The following DENND1A variants were observed in gnomAD, a reference collection of about 807,000 sequenced individuals.
DENND1A encodes the protein DENN domain-containing protein 1A.
Under a neutral mutation model 113.7 loss-of-function variants are expected in DENND1A, and 51 were observed. That is an observed-to-expected ratio of 0.45 (90% CI 0.36 to 0.57). The LOEUF (loss-of-function observed/expected upper bound fraction) is 0.57, where lower values mean the gene tolerates loss of function less well. DENND1A is among the 20% of genes least tolerant of loss of function. The pLI, the probability that DENND1A is intolerant of heterozygous loss-of-function variation, is 0.00. For missense variants in DENND1A, 1,258 were observed against 1,395.9 expected (o/e 0.90, Z 1.57); for synonymous variants, 565 against 570.8 (o/e 0.99, Z 0.14).
chr9:123,658,304 A>T (rs2063066390), intron 8 of DENND1A, among the ~76,000 whole-genome samples: 1 of 152,220 alleles, frequency 6.6e-6, no homozygotes, highest in East Asian at 1.9e-4. Context: ...ACACTAAAAA[A>T]AAATCCTTTA....
At position 123,764,110 on chromosome 9, in the gene DENND1A, C is replaced by T. The variant is rs2071268140; in HGVS notation, c.182+5404G>A. On this transcript the variant is annotated intron_variant, in intron 4 of 23. Coordinates refer to ENST00000394215, the MANE Select transcript of DENND1A (RefSeq NM_001352964.2). This position sits in a 1 kb window ranked among gnomAD's most constrained non-coding sequence, Gnocchi z 4.1. ...ACATGTTACTCAGCAGTTATGTGGG[C>T]ATAGACAAGTTATTATACTTCTCTG... Among the ~76,000 whole-genome samples the T allele has an allele frequency of 6.6e-6, 1 of 152,140 alleles. No individual in the cohort carries two copies. The highest frequency in any genetic ancestry group is 1.5e-5 in the Non-Finnish European group (1 of 68,026).
intron 8 of DENND1A, among the ~76,000 whole-genome samples, chr9:123,661,446 T>C (rs1461777610): frequency 6.6e-6 from 1 of 152,222 alleles, no homozygotes; most frequent in Non-Finnish European, 1.5e-5. Flanking sequence ...CTACCATTCC[T>C]ACTCAGCTTC....
At chr9:123,894,359 C>T (rs1850383825) in intron 1 of DENND1A, among the ~76,000 whole-genome samples, 1 of 152,218 alleles carries the variant, frequency 6.6e-6, no homozygotes, top group African/African-American at 2.4e-5. Flanking sequence ...ACTCATTCAA[C>T]ACATATTTAT....
chr9:123,398,294 GCA>G (rs1184285023), intron 21 of DENND1A, among the ~76,000 whole-genome samples: 2 of 152,230 alleles, frequency 1.3e-5, no homozygotes, highest in African/African-American at 4.8e-5. Context: ...GCCTTAGTCT[GCA>G]CACAGTGTGC....
chr9:123,861,678 A>G (rs946598088), intron 2 of DENND1A, among the ~76,000 whole-genome samples: 1 of 152,226 alleles, frequency 6.6e-6, no homozygotes, highest in African/African-American at 2.4e-5. Flanking sequence ...AATCTTATCA[A>G]GCATTCAAGA....
At chr9:123,882,537 C>T (rs1215393883) in intron 1 of DENND1A, among the ~76,000 whole-genome samples, 1 of 152,088 alleles carries the variant, frequency 6.6e-6, no homozygotes, top group Non-Finnish European at 1.5e-5. Flanking sequence ...AGAATCTCAA[C>T]GTTTCTCAGC....
chr9:123,613,882 T>C (rs2060523982), intron 10 of DENND1A, among the ~76,000 whole-genome samples: 1 of 152,216 alleles, frequency 6.6e-6, no homozygotes, highest in South Asian at 2.1e-4. Flanking sequence ...CTGCACTATC[T>C]GATTTCATCA....
At chr9:123,414,200 C>A in intron 19 of DENND1A, 1 of 1,097,026 alleles carries the variant, frequency 9.1e-7, no homozygotes, top group South Asian at 2.9e-5. Context: ...CCTTACTGTC[C>A]TCATCTGTGA....
At chr9:123,458,957 G>A (rs556829007) in intron 13 of DENND1A, among the ~76,000 whole-genome samples, 38 of 151,802 alleles carry the variant, frequency 2.5e-4, no homozygotes, top group African/African-American at 5.1e-4. Flanking sequence ...GCAAAACTCC[G>A]TCTCAAAACA....
At chr9:123,602,646 G>C (rs2059985506) in intron 11 of DENND1A, among the ~76,000 whole-genome samples, 1 of 152,198 alleles carries the variant, frequency 6.6e-6, no homozygotes, top group South Asian at 2.1e-4. Flanking sequence ...TATCAGGTGA[G>C]ATTTTTCATG....
At chr9:123,484,780 C>T (rs903829815) in intron 13 of DENND1A, among the ~76,000 whole-genome samples, 3 of 152,174 alleles carry the variant, frequency 2.0e-5, no homozygotes, top group Admixed American at 1.3e-4. Context: ...TTCACTGTGG[C>T]CCTCAGTACA....
chr9:123,854,110 AAAGTATTTAC>A (rs1250127684), intron 2 of DENND1A, among the ~76,000 whole-genome samples: 1 of 152,248 alleles, frequency 6.6e-6, no homozygotes, highest in African/African-American at 2.4e-5. Context: ...GAGGCAGATG[AAAGTATTTAC>A]AAATTCATTT....
intron 5 of DENND1A, among the ~76,000 whole-genome samples, chr9:123,732,641 T>C (rs1456552020): frequency 1.3e-5 from 2 of 152,134 alleles, no homozygotes; most frequent in African/African-American, 2.4e-5. Context: ...ACTCAGTAAA[T>C]TATACAAAAT....
Position 123,440,374 on chromosome 9 carries a change from C to G in DENND1A, c.1474G>C (p.Val492Leu), listed in dbSNP as rs1316899003. ...AGGGTACACACCTGTCCAAAGTGGA[C>G]TGTGATTGGCCGCCGGTCTTCTCGG... ...KLREDRRPIT[V>L]HFGQLQRLRP... is the part of the protein sequence containing the mutation. Residue 492 changes from valine (V) to leucine (L), a missense_variant, in exon 19 of 24, where the codon GTC (valine) becomes CTC (leucine). Val to Leu is a conservative substitution (Grantham distance 32). This residue lies in a region of DENND1A where 1,159 missense variants were observed against 1,231.7 expected (regional missense o/e 0.94). Coordinates refer to ENST00000394215, the MANE Select transcript of DENND1A (RefSeq NM_001352964.2). 6.2e-7 allele frequency: 1 copy of G among 1,601,976 alleles called. No individual in the cohort carries two copies. Among genetic ancestry groups the G allele is most frequent in the Non-Finnish European group, 8.5e-7 (1 of 1,175,422 alleles).
chr9:123,896,275 G>A (rs2133830247), intron 1 of DENND1A, among the ~76,000 whole-genome samples: 1 of 151,858 alleles, frequency 6.6e-6, no homozygotes, highest in Middle Eastern at 3.4e-3. Flanking sequence ...TACTGCCACT[G>A]CACTCCACCC....
intron 1 of DENND1A, among the ~76,000 whole-genome samples, chr9:123,903,192 C>T (rs976468477): frequency 2.0e-5 from 3 of 150,876 alleles, no homozygotes; most frequent in African/African-American, 7.3e-5. Context: ...ATTAGCCGGG[C>T]ATAGTGGCGG....
intron 13 of DENND1A, among the ~76,000 whole-genome samples, chr9:123,526,662 C>A (rs1304387058): frequency 1.3e-5 from 2 of 152,210 alleles, no homozygotes; most frequent in Non-Finnish European, 2.9e-5. Flanking sequence ...ATCTGATTAA[C>A]CTCTCTTTGG....
chr9:123,444,354 C>G (rs576065080), intron 18 of DENND1A, among the ~76,000 whole-genome samples: 298 of 152,270 alleles, frequency 2.0e-3, no homozygotes, highest in African/African-American at 6.9e-3. Flanking sequence ...CAGATAAAAT[C>G]TGATGTAGTC....
intron 5 of DENND1A, among the ~76,000 whole-genome samples, chr9:123,708,421 CTATT>C (rs1241388495): frequency 1.3e-5 from 2 of 152,092 alleles, no homozygotes; most frequent in Non-Finnish European, 2.9e-5. Flanking sequence ...GTTATTTTAA[CTATT>C]TACAAGAAAA....
Sources: gnomAD v4.1 joint callset for allele counts (sites outside exome capture counted in the v4.1 genomes callset) on GRCh38, gnomAD v4.1.1 for gene constraint, gnomAD v4.1.1 regional missense constraint, Gnocchi (gnomAD v3.1) non-coding constraint, MANE v1.5 for transcripts, NCBI Gene and HGNC (gene_info 2026-07-23, HGNC 2026-07-21) for gene names.